UNC5D: variants seen among roughly 807,000 people sequenced by gnomAD.
The protein encoded by UNC5D is unc-5 netrin receptor D.
A neutral mutation model predicts 105.4 loss-of-function variants in UNC5D; 39 were observed. That is an observed-to-expected ratio of 0.37 (90% CI 0.29 to 0.48). UNC5D has a LOEUF of 0.48. Ranked by LOEUF, UNC5D falls within the 20% of genes least tolerant of loss-of-function variation. The pLI is 0.98. For synonymous variants in UNC5D, 452 were observed against 450.4 expected, an observed-to-expected ratio of 1.00 and a Z score of -0.04; for missense variants, 991 against 1,202.4, an observed-to-expected ratio of 0.82 and a Z score of 2.60.
chr8:35,350,902 T>C (rs1218544261), intron 1 of UNC5D, among the ~76,000 whole-genome samples: 2 of 152,060 alleles, frequency 1.3e-5, no homozygotes, highest in Non-Finnish European at 2.9e-5. Flanking sequence ...GCACAATCCC[T>C]TAAATTCATT....
chr8:35,354,296 T>C (rs1014712001), intron 1 of UNC5D, among the ~76,000 whole-genome samples: 4 of 152,150 alleles, frequency 2.6e-5, no homozygotes, highest in African/African-American at 9.7e-5. Flanking sequence ...TCTTTTGATA[T>C]ATTAAGCAAA....
At chr8:35,579,747 A>C (rs550608187) in intron 3 of UNC5D, among the ~76,000 whole-genome samples, 6 of 152,190 alleles carry the variant, frequency 3.9e-5, no homozygotes, top group Admixed American at 6.5e-5. Flanking sequence ...AGGGTGTTCA[A>C]ATTCTCTGCT....
chr8:35,644,274 G>GT (rs1475801318), intron 4 of UNC5D, among the ~76,000 whole-genome samples: 46 of 152,212 alleles, frequency 3.0e-4, no homozygotes, highest in African/African-American at 1.1e-3. Flanking sequence ...AGAGAAATGG[G>GT]TAACAGGAAT....
chr8:35,244,211 C>T (rs962264147), intron 1 of UNC5D, among the ~76,000 whole-genome samples: 8 of 152,116 alleles, frequency 5.3e-5, no homozygotes, highest in African/African-American at 1.7e-4. Flanking sequence ...TGACCAAAGT[C>T]GAACAAACCT....
chr8:35,495,067 C>T (rs1811460383), intron 1 of UNC5D, among the ~76,000 whole-genome samples: 1 of 151,942 alleles, frequency 6.6e-6, no homozygotes, highest in Non-Finnish European at 1.5e-5. Flanking sequence ...AGGATTCTGG[C>T]CCAGGGAAAG....
At position 35,497,984 on chromosome 8, in the gene UNC5D, G is replaced by T. The variant is rs139363055; in HGVS notation, c.104-51308G>T. On this transcript the variant is annotated intron_variant, in intron 1 of 16. Coordinates refer to ENST00000404895, the MANE Select transcript of UNC5D (RefSeq NM_080872.4). ...CTCATGAGGCTGAGGCAGGAGAATC[G>T]CCTGAACCCAGGAGGCAGAGGTTGC... Among the ~76,000 whole-genome samples, 537 of 150,152 alleles carry T rather than the reference G, an allele frequency of 3.6e-3. 7 individuals carry two copies. The highest frequency in any genetic ancestry group is 0.013 in the African/African-American group (512 of 40,882).
At chr8:35,432,847 G>A (rs1035843437) in intron 1 of UNC5D, among the ~76,000 whole-genome samples, 2 of 152,128 alleles carry the variant, frequency 1.3e-5, no homozygotes, top group Non-Finnish European at 2.9e-5. Context: ...TCGAGGCCAA[G>A]GCAGCTTTGT....
chr8:35,373,766 C>T (rs953049824), intron 1 of UNC5D, among the ~76,000 whole-genome samples: 4 of 152,108 alleles, frequency 2.6e-5, no homozygotes, highest in African/African-American at 4.8e-5. Context: ...GTTTAAACCC[C>T]AGAGTTAGCT....
chr8:35,515,434 C>T (rs191831940), intron 1 of UNC5D, among the ~76,000 whole-genome samples: 66 of 152,292 alleles, frequency 4.3e-4, no homozygotes, highest in South Asian at 2.1e-3. Context: ...CCTGTAATCC[C>T]AGCACTTTGG....
intron 1 of UNC5D, among the ~76,000 whole-genome samples, chr8:35,461,471 C>T (rs1295956558): frequency 6.6e-6 from 1 of 152,102 alleles, no homozygotes; most frequent in African/African-American, 2.4e-5. Flanking sequence ...CCATTCATCA[C>T]CTGGAGAGGG....
At chr8:35,526,392 ACAGT>A (rs1295645393) in intron 1 of UNC5D, among the ~76,000 whole-genome samples, 1 of 152,114 alleles carries the variant, frequency 6.6e-6, no homozygotes, top group Non-Finnish European at 1.5e-5. Flanking sequence ...TGTTCTCCAC[ACAGT>A]CACTGCCTCA....
intron 1 of UNC5D, among the ~76,000 whole-genome samples, chr8:35,420,707 A>C (rs924719177): frequency 6.7e-6 from 1 of 150,210 alleles, no homozygotes; most frequent in Non-Finnish European, 1.5e-5. Context: ...AATCATACTG[A>C]TGCCTTATTA....
chr8:35,292,040 A>G (rs950276238), intron 1 of UNC5D, among the ~76,000 whole-genome samples: 9 of 152,196 alleles, frequency 5.9e-5, no homozygotes, highest in Non-Finnish European at 1.0e-4. Context: ...AAGTTAGGCT[A>G]TTTCTAAATA....
At chr8:35,622,870 C>T (rs1362392307) in intron 4 of UNC5D, among the ~76,000 whole-genome samples, 2 of 152,150 alleles carry the variant, frequency 1.3e-5, no homozygotes, top group Admixed American at 6.5e-5. Context: ...AATAGCTCAT[C>T]CTATTCCAGT....
intron 7 of UNC5D, among the ~76,000 whole-genome samples, chr8:35,695,241 T>C (rs1293905824): frequency 6.6e-6 from 1 of 152,178 alleles, no homozygotes; most frequent in African/African-American, 2.4e-5. Context: ...CTGAATGAAC[T>C]ACTCTCCATT....
intron 2 of UNC5D, among the ~76,000 whole-genome samples, chr8:35,560,432 C>T (rs1231058665): frequency 1.3e-5 from 2 of 152,164 alleles, no homozygotes; most frequent in African/African-American, 2.4e-5. Context: ...TGTATACACT[C>T]ATGTACTATT....
At position 35,505,756 on chromosome 8, in the gene UNC5D, C is replaced by A. The variant is rs557657138; in HGVS notation, c.104-43536C>A. 4.6e-5 allele frequency among the ~76,000 whole-genome samples: 7 copies of A among 152,256 alleles called. No homozygotes were observed. The South Asian group carries it at 1.2e-3, about 27-fold the overall frequency. On this transcript the variant is annotated intron_variant, in intron 1 of 16. Transcript: ENST00000404895. Reference sequence around the variant, plus strand: ...AGATGGTTTTATTTTTAAACCGAAGCCTATTTCCCCGCTTTGAGATACACT... The same window carrying A: ...AGATGGTTTTATTTTTAAACCGAAGACTATTTCCCCGCTTTGAGATACACT...
At chr8:35,250,141 T>C (rs184224187) in intron 1 of UNC5D, among the ~76,000 whole-genome samples, 3 of 152,276 alleles carry the variant, frequency 2.0e-5, no homozygotes, top group Admixed American at 2.0e-4. Flanking sequence ...AACACCCATG[T>C]GTGTAATTGA....
intron 1 of UNC5D, among the ~76,000 whole-genome samples, chr8:35,370,816 G>T (rs937384711): frequency 9.9e-5 from 15 of 152,156 alleles, no homozygotes; most frequent in African/African-American, 3.4e-4. Context: ...CTAAGTAATT[G>T]GTAAAACAAT....
Sources: allele counts gnomAD v4.1 joint callset (sites outside exome capture counted in the v4.1 genomes callset), GRCh38; gene constraint gnomAD v4.1.1; transcripts MANE v1.5; gene names NCBI Gene and HGNC (gene_info 2026-07-23, HGNC 2026-07-21).